Variants in TTC7B observed in about 807,000 individuals in gnomAD.
The protein encoded by TTC7B is tetratricopeptide repeat domain 7B, also known as tetratricopeptide repeat protein 7B.
A neutral mutation model predicts 106.8 loss-of-function variants in TTC7B; 28 were observed. That is an observed-to-expected ratio of 0.26 (90% CI 0.19 to 0.36). The LOEUF is 0.36. TTC7B is among the 10% of genes least tolerant of loss of function. The probability of loss-of-function intolerance (pLI) is 1.00; values close to 1 mark genes in which losing one functional copy is unlikely to be tolerated. For missense variants in TTC7B, 862 were observed against 1,076.4 expected, an observed-to-expected ratio of 0.80 and a Z score of 2.79; for synonymous variants, 405 against 430.6, an observed-to-expected ratio of 0.94 and a Z score of 0.74.
At chr14:90,715,351 G>A (rs1002994886) in intron 5 of TTC7B, among the ~76,000 whole-genome samples, 5 of 152,116 alleles carry the variant, frequency 3.3e-5, no homozygotes, top group African/African-American at 9.7e-5. Flanking sequence ...GTGGATATAG[G>A]AGAAGACCCA....
At chr14:90,728,128 C>T (rs1005286151) in intron 5 of TTC7B, among the ~76,000 whole-genome samples, 1 of 152,066 alleles carries the variant, frequency 6.6e-6, no homozygotes, top group Admixed American at 6.6e-5. Flanking sequence ...AAAGTAATTC[C>T]TCACTACTGT....
chr14:90,633,640 G>T (rs1884798127), intron 15 of TTC7B, among the ~76,000 whole-genome samples: 1 of 152,128 alleles, frequency 6.6e-6, no homozygotes, highest in Non-Finnish European at 1.5e-5. Flanking sequence ...GTGCCTCATT[G>T]CCATTGGGAG....
chr14:90,577,738 C>T lies in TTC7B; in HGVS notation c.2310+368G>A, dbSNP rs1258932832. On this transcript the variant is annotated intron_variant, in intron 19 of 19. Coordinates refer to ENST00000328459, the MANE Select transcript of TTC7B (RefSeq NM_001010854.2). The surrounding 1 kb of genome is among the most constrained non-coding windows in gnomAD (Gnocchi z 5.0). ...CTGAAGTCTCCCCGGGATGTGGAAACCCCCGAAGGTGGCTACTGCAAGCAG... is the reference window on the plus strand; with the variant it reads ...CTGAAGTCTCCCCGGGATGTGGAAATCCCCGAAGGTGGCTACTGCAAGCAG... 1.3e-5 allele frequency among the ~76,000 whole-genome samples: 2 copies of T among 152,210 alleles called. No individual in the cohort carries two copies. The highest frequency in any genetic ancestry group is 2.9e-5 in the Non-Finnish European group (2 of 68,036).
At chr14:90,676,422 T>C in intron 9 of TTC7B, 101 bp downstream of exon 9, 1 of 1,410,456 alleles carries the variant, frequency 7.1e-7, no homozygotes, top group Non-Finnish European at 9.7e-7. Context: ...TGGCTGCCAC[T>C]AATAGAGGGG....
chr14:90,808,800 T>C lies in TTC7B; in HGVS notation c.121+7375A>G, dbSNP rs1286315. ...GCAACCCGCCACCATCTACCAAGCA[T>C]GAGGTCATTCAGAGGGGCAGGAATC... On this transcript the variant is annotated intron_variant, in intron 1 of 19. Coordinates refer to ENST00000328459, the MANE Select transcript of TTC7B (RefSeq NM_001010854.2). The surrounding 1 kb of genome is among the most constrained non-coding windows in gnomAD (Gnocchi z 4.2). 1.3e-5 allele frequency among the ~76,000 whole-genome samples: 2 copies of C among 152,174 alleles called. No homozygotes were observed. Among genetic ancestry groups the C allele is most frequent in the East Asian group, 1.9e-4 (1 of 5,192 alleles).
Position 90,815,194 on chromosome 14 carries a change from C to T in TTC7B, c.121+981G>A, listed in dbSNP as rs150507662. Among the ~76,000 whole-genome samples, 313 of 152,334 alleles carry T rather than the reference C, an allele frequency of 2.1e-3. 1 individual carries two copies. The highest frequency in any genetic ancestry group is 4.7e-3 in the Admixed American group (72 of 15,308). On this transcript the variant is annotated intron_variant, in intron 1 of 19. Transcript: ENST00000328459. ...CCCAGGATGAAATGAGACAAACCCTCTGCCCTCTGGCCACGGTGTGCTGGT... is the reference window on the plus strand; with the variant it reads ...CCCAGGATGAAATGAGACAAACCCTTTGCCCTCTGGCCACGGTGTGCTGGT...
At chr14:90,728,843 G>A (rs758824144) in intron 5 of TTC7B, among the ~76,000 whole-genome samples, 6 of 152,248 alleles carry the variant, frequency 3.9e-5, no homozygotes, top group South Asian at 2.1e-4. Context: ...GAGCTCCTCC[G>A]TGATGACCAC....
At chr14:90,671,978 G>A (rs559527633) in intron 9 of TTC7B, among the ~76,000 whole-genome samples, 6 of 152,298 alleles carry the variant, frequency 3.9e-5, no homozygotes, top group Admixed American at 1.3e-4. Context: ...TCTGCACAAC[G>A]CTGCACAACA....
intron 12 of TTC7B, among the ~76,000 whole-genome samples, chr14:90,654,658 C>A (rs952194128): frequency 2.0e-5 from 3 of 152,216 alleles, no homozygotes; most frequent in African/African-American, 7.2e-5. Flanking sequence ...TCACACAGGA[C>A]AGCCCAGACC....
At chr14:90,768,588 T>A (rs2896141) in intron 3 of TTC7B, among the ~76,000 whole-genome samples, 23,002 of 152,072 alleles carry the variant, frequency 0.15, 3,821 homozygotes, top group African/African-American at 0.41. Context: ...CAACCAAGAA[T>A]CCCATATCTG....
intron 12 of TTC7B, among the ~76,000 whole-genome samples, chr14:90,654,762 T>C (rs560374208): frequency 2.2e-3 from 342 of 152,186 alleles, no homozygotes; most frequent in Middle Eastern, 6.8e-3. Flanking sequence ...ATAATGTACC[T>C]AAAAATGAGG....
At chr14:90,815,208 C>T (rs893259658) in intron 1 of TTC7B, among the ~76,000 whole-genome samples, 4 of 152,196 alleles carry the variant, frequency 2.6e-5, no homozygotes, top group Non-Finnish European at 4.4e-5. Flanking sequence ...CCTCTGGCCA[C>T]GGTGTGCTGG....
At chr14:90,609,020 C>T (rs556118245) in intron 17 of TTC7B, among the ~76,000 whole-genome samples, 132 of 152,316 alleles carry the variant, frequency 8.7e-4, no homozygotes, top group African/African-American at 3.1e-3. Context: ...TCACTTCCTT[C>T]TCTTCCCCAT....
At chr14:90,607,621 G>A (rs922378981) in intron 17 of TTC7B, among the ~76,000 whole-genome samples, 5 of 152,064 alleles carry the variant, frequency 3.3e-5, no homozygotes, top group Admixed American at 1.3e-4. Context: ...GGCTCTTTTA[G>A]CACATGAACT....
intron 13 of TTC7B, chr14:90,647,506 A>C (rs1885514071): frequency 6.5e-6 from 1 of 154,766 alleles, no homozygotes; most frequent in African/African-American, 2.4e-5. Flanking sequence ...CTTTGCTTAT[A>C]AAATGAGGTT....
intron 9 of TTC7B, chr14:90,676,267 C>A: frequency 2.9e-6 from 1 of 347,992 alleles, no homozygotes; most frequent in South Asian, 9.5e-5. Flanking sequence ...AAATGTTTGC[C>A]TTCCCTCACA....
At chr14:90,583,736 C>A (rs1891599927) in intron 18 of TTC7B, among the ~76,000 whole-genome samples, 1 of 152,104 alleles carries the variant, frequency 6.6e-6, no homozygotes, top group African/African-American at 2.4e-5. Context: ...TGGATACTTC[C>A]TACCTTATTT....
At chr14:90,695,220 T>C (rs1887688998) in intron 6 of TTC7B, among the ~76,000 whole-genome samples, 2 of 141,824 alleles carry the variant, frequency 1.4e-5, no homozygotes, top group South Asian at 4.3e-4. Flanking sequence ...ATATTTTATA[T>C]ACATTTTATT....
intron 15 of TTC7B, among the ~76,000 whole-genome samples, chr14:90,620,153 G>T (rs533272154): frequency 1.1e-4 from 17 of 152,196 alleles, no homozygotes; most frequent in African/African-American, 3.9e-4. Context: ...CCCATGCCTG[G>T]GCTTGCAGAA....
Sources: allele counts gnomAD v4.1 joint callset (sites outside exome capture counted in the v4.1 genomes callset), GRCh38; gene constraint gnomAD v4.1.1; non-coding constraint Gnocchi (gnomAD v3.1); transcripts MANE v1.5; gene names NCBI Gene and HGNC (gene_info 2026-07-23, HGNC 2026-07-21).